KTN1: variants seen among roughly 807,000 people sequenced by gnomAD.
The protein encoded by KTN1 is kinectin.
In KTN1, 130 loss-of-function variants were observed where a neutral mutation model predicts 222.5. The observed-to-expected ratio is 0.58, with a 90% CI of 0.51 to 0.68. KTN1 has a LOEUF of 0.68. Among genes scored for constraint, KTN1 ranks in the 30% least tolerant of loss-of-function variants. The pLI, the probability that KTN1 is intolerant of heterozygous loss-of-function variation, is 0.00. For missense variants in KTN1, 1,508 were observed against 1,500.4 expected (o/e 1.01, Z -0.08); for synonymous variants, 512 against 496.3 (o/e 1.03, Z -0.42).
In KTN1 at chr14:55,589,656, C is replaced by CTTTTT. The variant is rs765755065; in HGVS notation, c.-31+9318_-31+9322dup. On this transcript the variant is annotated intron_variant, in intron 1 of 43. Transcript: ENST00000395314. ...CTTGGTTACTATATTCATCTGATTTCTTTTTTTTTTTTTTTTTTTTGAGAT... is the reference window on the plus strand; with the variant it reads ...CTTGGTTACTATATTCATCTGATTTCTTTTTTTTTTTTTTTTTTTTTTTTTGAGAT... Among the ~76,000 whole-genome samples the CTTTTT allele has an allele frequency of 3.3e-3, 339 of 102,074 alleles. 3 individuals carry two copies. The highest frequency in any genetic ancestry group is 7.1e-3 in the East Asian group (22 of 3,096). 67.0% of individuals were successfully genotyped at this position (102,074 alleles called of 152,430 possible). A position where few individuals can be genotyped will look rare whatever the true frequency, so the allele number is the denominator to read the frequency against.
At chr14:55,596,957 T>G (rs1299568467) in intron 1 of KTN1, among the ~76,000 whole-genome samples, 1 of 152,174 alleles carries the variant, frequency 6.6e-6, no homozygotes, top group Admixed American at 6.5e-5. Flanking sequence ...GAATAGAACG[T>G]TATGGTGAAG....
chr14:55,680,382 T>TTC, intron 43 of KTN1: 1 of 168,192 alleles, frequency 5.9e-6, no homozygotes, highest in South Asian at 1.5e-4. Flanking sequence ...TTTTTTTTTT[T>TTC]TTCTGTTGCT....
At chr14:55,651,771 C>A in intron 24 of KTN1, 119 bp from the exon 25 acceptor site, 2 of 642,460 alleles carry the variant, frequency 3.1e-6, no homozygotes, top group South Asian at 2.0e-5. Flanking sequence ...CTCATTTTGT[C>A]ATGAAAAATT....
chr14:55,648,892 G>A, intron 21 of KTN1, 22 bp downstream of exon 21: 1 of 1,419,688 alleles, frequency 7.0e-7, no homozygotes, highest in South Asian at 1.2e-5. Context: ...TTTTACAACT[G>A]TTCTTTGTCT....
At chr14:55,657,397 G>GTTTTTTT (rs35297700) in intron 29 of KTN1, among the ~76,000 whole-genome samples, 9,558 of 136,866 alleles carry the variant, frequency 0.07, 375 homozygotes, top group Non-Finnish European at 0.081. Flanking sequence ...CTGAGTTGAC[G>GTTTTTTT]TTTTTTTTTT....
rs750708750 is a variant in KTN1 at position 55,672,879 on chromosome 14, T to C, written c.3604-50T>C. 4 of 1,458,614 alleles carry C rather than the reference T, an allele frequency of 2.7e-6. No individual in the cohort carries two copies. In the South Asian group the frequency reaches 3.4e-5, roughly 13 times the overall value. 90.4% of individuals were successfully genotyped at this position (1,458,614 alleles called of 1,614,324 possible). A position where few individuals can be genotyped will look rare whatever the true frequency, so the allele number is the denominator to read the frequency against. On this transcript the variant is annotated intron_variant, in intron 38 of 43. Coordinates refer to ENST00000395314, the MANE Select transcript of KTN1 (RefSeq NM_001079521.2). ...ATAATTTTGTCTTGTGGGGAAATATTATGAAAGGAAATTTTAAGTGTGTTA... is the reference window on the plus strand; with the variant it reads ...ATAATTTTGTCTTGTGGGGAAATATCATGAAAGGAAATTTTAAGTGTGTTA...
At chr14:55,673,079 C>T (rs1158404970) in intron 39 of KTN1, 67 bp downstream of exon 39, 60 of 1,503,062 alleles carry the variant, frequency 4.0e-5, no homozygotes, top group Non-Finnish European at 5.3e-5. Flanking sequence ...AGTGATATTT[C>T]AGTATAAGTT....
intron 18 of KTN1, chr14:55,644,155 C>T (rs2042063915): frequency 4.9e-6 from 2 of 407,324 alleles, no homozygotes. Context: ...ATTTCTGTGG[C>T]TTTTCCTCTA....
chr14:55,629,473 T>C (rs1456047230), intron 6 of KTN1, among the ~76,000 whole-genome samples: 2 of 151,792 alleles, frequency 1.3e-5, no homozygotes, highest in African/African-American at 4.8e-5. Context: ...AAACTTTGCT[T>C]TCTGAATTTG....
chr14:55,655,257 G>A (rs2043350006), intron 28 of KTN1, among the ~76,000 whole-genome samples: 1 of 152,154 alleles, frequency 6.6e-6, no homozygotes, highest in East Asian at 1.9e-4. Flanking sequence ...GGGATTACAG[G>A]CATGAGCCAC....
rs753532916 is a variant in KTN1, at chr14:55,639,168, C to T, written c.1786-17C>T. The T allele has an allele frequency of 6.4e-7, 1 of 1,569,622 alleles. No individual in the cohort carries two copies. Among genetic ancestry groups the T allele is most frequent in the East Asian group, 2.2e-5 (1 of 44,550 alleles). ...TCTCTTAAATACTTTTATGTTGACA[C>T]TATTTTTCTTTCTTAGACCTCCGCT... On this transcript the variant is annotated splice_polypyrimidine_tract_variant and intron_variant, in intron 12 of 43. Coordinates refer to ENST00000395314, the MANE Select transcript of KTN1 (RefSeq NM_001079521.2).
At chr14:55,594,762 T>TA (rs1390656203) in intron 1 of KTN1, among the ~76,000 whole-genome samples, 2 of 152,202 alleles carry the variant, frequency 1.3e-5, no homozygotes, top group Admixed American at 6.5e-5. Context: ...TTTGTGTAGG[T>TA]ATAAACAAGT....
chr14:55,582,985 T>C (rs1315848972), intron 1 of KTN1, among the ~76,000 whole-genome samples: 1 of 152,222 alleles, frequency 6.6e-6, no homozygotes, highest in Non-Finnish European at 1.5e-5. Flanking sequence ...CATTGCTTCC[T>C]CTTTCAGTTC....
intron 20 of KTN1, 60 bp downstream of exon 20, chr14:55,648,175 C>A: frequency 1.2e-6 from 1 of 836,676 alleles, no homozygotes; most frequent in East Asian, 3.0e-5. Context: ...AAGGATTTCT[C>A]TGTAATTTGT....
intron 10 of KTN1, 106 bp downstream of exon 10, chr14:55,636,642 C>T (rs2041156007): frequency 2.9e-6 from 2 of 691,948 alleles, no homozygotes; most frequent in Non-Finnish European, 4.9e-6. Flanking sequence ...GGTTATAGCT[C>T]AATAAAAATA....
chr14:55,584,873 C>T (rs935238934), intron 1 of KTN1, among the ~76,000 whole-genome samples: 6 of 152,174 alleles, frequency 3.9e-5, no homozygotes, highest in African/African-American at 1.4e-4. Flanking sequence ...TGACCCACAT[C>T]TGTAATGCCA....
chr14:55,650,575 A>G lies in KTN1; in HGVS notation c.2503A>G (p.Lys835Glu). 1 of 1,611,626 alleles carries G rather than the reference A, an allele frequency of 6.2e-7. No individual in the cohort carries two copies. The highest frequency in any genetic ancestry group is 1.1e-5 in the South Asian group (1 of 90,852). The change falls in exon 24 of 44, where the codon AAA becomes GAA. Residue 835 changes from lysine (K) to glutamate (E), a missense_variant. Transcript: ENST00000395314. ...CTGTTTTGTCATTGTCAAGGATTTG[A>G]AACAGGAAATAAAGGCTCTAAAAGA... is the stretch of plus-strand genomic sequence containing the variant. ...ANKEKTVQDLKQEIKALKEEI... is the reference protein window; with the variant it reads ...ANKEKTVQDLEQEIKALKEEI...
intron 1 of KTN1, among the ~76,000 whole-genome samples, chr14:55,606,969 A>G (rs1449330209): frequency 6.6e-6 from 1 of 152,164 alleles, no homozygotes; most frequent in Non-Finnish European, 1.5e-5. Flanking sequence ...ATGTGTCTTC[A>G]CATGTCCCAC....
At chr14:55,679,714 T>C in intron 43 of KTN1, 29 bp downstream of exon 43, 1 of 1,606,348 alleles carries the variant, frequency 6.2e-7, no homozygotes, top group Non-Finnish European at 8.5e-7. Context: ...TTGCTGTCTA[T>C]GGGTAATTGA....
Sources: gnomAD v4.1 joint callset for allele counts (sites outside exome capture counted in the v4.1 genomes callset) on GRCh38, gnomAD v4.1.1 for gene constraint, MANE v1.5 for transcripts, NCBI Gene and HGNC (gene_info 2026-07-23, HGNC 2026-07-21) for gene names.